CLEC16A: variants seen among roughly 807,000 people sequenced by gnomAD.
CLEC16A encodes protein CLEC16A.
A neutral mutation model predicts 109.5 loss-of-function variants in CLEC16A; 51 were observed. The ratio of observed to expected loss-of-function variants is 0.47; its 90% CI spans 0.37 to 0.59. CLEC16A has a LOEUF of 0.59. Ranked by LOEUF, CLEC16A falls within the 20% of genes least tolerant of loss-of-function variation. The pLI, the probability that CLEC16A is intolerant of heterozygous loss-of-function variation, is 0.00. For synonymous variants in CLEC16A, 673 were observed against 564.2 expected (o/e 1.19, Z -2.73); for missense variants, 1,339 against 1,394.0 (o/e 0.96, Z 0.63).
At chr16:11,055,198 T>G (rs1223327122) in intron 18 of CLEC16A, among the ~76,000 whole-genome samples, 2 of 152,208 alleles carry the variant, frequency 1.3e-5, no homozygotes, top group Admixed American at 1.3e-4. Context: ...AGGTAAAGTT[T>G]ATTAACAAGT....
chr16:10,945,200 G>A (rs1275666617), intron 1 of CLEC16A, among the ~76,000 whole-genome samples: 1 of 152,224 alleles, frequency 6.6e-6, no homozygotes, highest in Non-Finnish European at 1.5e-5. Flanking sequence ...CTATCTGTGT[G>A]AATGTAGGCC....
rs1372157771 is a variant in CLEC16A, at chr16:11,179,445, C to T, written c.*755C>T. ...GGAGATACATGTATTCTCAGGTACA[C>T]ACAGAGCTGAGAGGGCTGAATGGTT... is the stretch of plus-strand genomic sequence containing the variant. On this transcript the variant is annotated 3_prime_UTR_variant, in exon 24 of 24. Transcript: ENST00000409790. 3 of 152,180 alleles carry T rather than the reference C, an allele frequency of 2.0e-5. No homozygotes were observed. The highest frequency in any genetic ancestry group is 1.9e-4 in the East Asian group (1 of 5,198). The allele number at this position is 152,180 out of a possible 1,614,324, so 9.4% of individuals were successfully genotyped here.
chr16:10,989,539 A>G (rs1296417628), intron 10 of CLEC16A, among the ~76,000 whole-genome samples: 1 of 152,224 alleles, frequency 6.6e-6, no homozygotes, highest in African/African-American at 2.4e-5. Flanking sequence ...CCAGCTGGAA[A>G]GTATAAATAC....
intron 19 of CLEC16A, among the ~76,000 whole-genome samples, chr16:11,103,155 G>C (rs2051019775): frequency 6.6e-6 from 1 of 152,244 alleles, no homozygotes; most frequent in Admixed American, 6.5e-5. Context: ...TGGGAGGCTA[G>C]TGCTGGGCCC....
chr16:11,111,250 A>G (rs1427281194), intron 19 of CLEC16A, among the ~76,000 whole-genome samples: 2 of 152,178 alleles, frequency 1.3e-5, no homozygotes, highest in Non-Finnish European at 2.9e-5. Flanking sequence ...TTTGCTAGCA[A>G]ATGTATAATT....
Position 10,953,257 on chromosome 16 carries a change from C to T in CLEC16A, c.81-4525C>T, listed in dbSNP as rs116531191. Among the ~76,000 whole-genome samples, 841 of 152,292 alleles carry T rather than the reference C, an allele frequency of 5.5e-3. 8 individuals are homozygous for T. The highest frequency in any genetic ancestry group is 0.019 in the African/African-American group (802 of 41,544). On this transcript the variant is annotated intron_variant, in intron 1 of 23. Transcript: ENST00000409790. The stretch of plus-strand genomic sequence containing the variant: ...GTCACCTGATTAATGACAATGGTGG[C>T]GCTGGAGTGCAGTAGAGAAGTGAGG...
chr16:11,134,177 T>C (rs1420493744), intron 22 of CLEC16A, among the ~76,000 whole-genome samples: 1 of 145,086 alleles, frequency 6.9e-6, no homozygotes, highest in East Asian at 2.0e-4. Context: ...AATTCCCCTT[T>C]TCTGATTTTT....
intron 13 of CLEC16A, chr16:11,027,718 G>T: frequency 1.3e-6 from 2 of 1,577,822 alleles, no homozygotes; most frequent in South Asian, 2.2e-5. Flanking sequence ...GGCACACTTG[G>T]CTATCGGGGT....
chr16:11,011,156 G>C (rs552724259), intron 11 of CLEC16A, among the ~76,000 whole-genome samples: 1 of 152,320 alleles, frequency 6.6e-6, no homozygotes, highest in South Asian at 2.1e-4. Flanking sequence ...GGATCATACA[G>C]ATATTCAGCC....
intron 11 of CLEC16A, among the ~76,000 whole-genome samples, chr16:11,018,305 A>AG (rs1377603375): frequency 6.8e-6 from 1 of 146,128 alleles, no homozygotes; most frequent in Non-Finnish European, 1.5e-5. Context: ...AAAAAAAAAA[A>AG]CAGGTGAAGA....
intron 10 of CLEC16A, among the ~76,000 whole-genome samples, chr16:10,990,473 G>C (rs1438925216): frequency 6.6e-6 from 1 of 152,242 alleles, no homozygotes; most frequent in South Asian, 2.1e-4. Flanking sequence ...AAGGGAGCAG[G>C]CTTTAGCCAG....
Position 10,962,353 on chromosome 16 carries a change from A to G in CLEC16A, c.210-102A>G, listed in dbSNP as rs2042289855. The stretch of plus-strand genomic sequence containing the variant: ...ATGACCTGTGCAGATACCTTGGGGG[A>G]GAGGGGTGAATCTAATACTTGTGTT... On this transcript the variant is annotated intron_variant, in intron 2 of 23. Transcript: ENST00000409790. The G allele has an allele frequency of 2.2e-5, 31 of 1,401,716 alleles. No homozygotes were observed. In the Middle Eastern group the frequency reaches 5.2e-3, roughly 233 times the overall value. 86.8% of individuals were successfully genotyped at this position (1,401,716 alleles called of 1,614,324 possible).
chr16:11,030,348 C>T (rs1376895485), intron 13 of CLEC16A, among the ~76,000 whole-genome samples: 1 of 152,180 alleles, frequency 6.6e-6, no homozygotes, highest in Non-Finnish European at 1.5e-5. Flanking sequence ...TACTGCCAAA[C>T]TGTTTTCCAA....
chr16:11,057,662 G>A (rs1004774505), intron 18 of CLEC16A, among the ~76,000 whole-genome samples: 1 of 152,272 alleles, frequency 6.6e-6, no homozygotes, highest in East Asian at 1.9e-4. Flanking sequence ...GATATTCTAT[G>A]GAAGAATCTG....
chr16:11,067,424 G>A (rs1363313632), intron 19 of CLEC16A, among the ~76,000 whole-genome samples: 1 of 151,976 alleles, frequency 6.6e-6, no homozygotes, highest in Non-Finnish European at 1.5e-5. Flanking sequence ...CAGGGGGGGT[G>A]TGGGTGCCGA....
chr16:10,953,493 C>T (rs2041834317), intron 1 of CLEC16A, among the ~76,000 whole-genome samples: 1 of 152,124 alleles, frequency 6.6e-6, no homozygotes, highest in East Asian at 1.9e-4. Context: ...CAAGAAACAC[C>T]ATCCAAGGGA....
intron 18 of CLEC16A, among the ~76,000 whole-genome samples, chr16:11,058,495 GTC>G (rs2048323685): frequency 1.3e-5 from 2 of 151,392 alleles, no homozygotes; most frequent in South Asian, 2.1e-4. Flanking sequence ...AAGGAAAAAA[GTC>G]TGTACAAGTT....
At position 10,971,008 on chromosome 16, in the gene CLEC16A, A is replaced by ATTTTTTTTTTTTTTTTTTTTT. The variant is rs35498388; in HGVS notation, c.493-100_493-99insTTTTTTTTTTTTTTTTTTTTT. On this transcript the variant is annotated intron_variant, in intron 4 of 23. Transcript: ENST00000409790. ...CTGACTTACGGTTCACATTGGCAACATTTTTTTTTTTTTTTTTGTCTTTTT... is the reference window on the plus strand; with the variant it reads ...CTGACTTACGGTTCACATTGGCAACATTTTTTTTTTTTTTTTTTTTTTTTTTTTTTTTTTTTTTGTCTTTTT... 2.4e-5 allele frequency: 12 copies of ATTTTTTTTTTTTTTTTTTTTT among 506,952 alleles called. 4 individuals carry two copies. The highest frequency in any genetic ancestry group is 3.4e-5 in the East Asian group (1 of 29,260). 31.4% of individuals were successfully genotyped at this position (506,952 alleles called of 1,614,324 possible).
At chr16:11,158,688 C>T (rs2054616803) in intron 22 of CLEC16A, among the ~76,000 whole-genome samples, 2 of 151,596 alleles carry the variant, frequency 1.3e-5, no homozygotes, top group South Asian at 2.1e-4. Flanking sequence ...TTTGGGAGGC[C>T]GAGGGAAGAG....
Sources: allele counts gnomAD v4.1 joint callset (sites outside exome capture counted in the v4.1 genomes callset), GRCh38; gene constraint gnomAD v4.1.1; transcripts MANE v1.5; gene names NCBI Gene and HGNC (gene_info 2026-07-23, HGNC 2026-07-21).